Variants in DPYS observed in about 807,000 individuals in gnomAD.
DPYS encodes the protein dihydropyrimidinase, also known as dihydropyrimidine amidohydrolase.
In DPYS, 39 loss-of-function variants were observed where a neutral mutation model predicts 50.3. The ratio of observed to expected loss-of-function variants is 0.78; its 90% CI spans 0.60 to 1.01. DPYS has a LOEUF of 1.01. DPYS is among the 50% of genes least tolerant of loss of function. The pLI is 0.00. For missense variants in DPYS, 659 were observed against 680.9 expected (o/e 0.97, Z 0.36); for synonymous variants, 245 against 250.7 (o/e 0.98, Z 0.22).
rs767616649 is a variant in DPYS, at chr8:104,429,657, C to T, written c.838G>A (p.Asp280Asn). 1 of 1,614,200 alleles carries T rather than the reference C, an allele frequency of 6.2e-7. No individual in the cohort carries two copies. Among genetic ancestry groups the T allele is most frequent in the Non-Finnish European group, 8.5e-7 (1 of 1,180,032 alleles). Residue 280 changes from aspartate (D) to asparagine (N), a missense_variant, in exon 5 of 10, where the codon GAT becomes AAT. Physicochemically the swap from Asp to Asn is conservative, Grantham distance 23 (BLOSUM62 1). Coordinates refer to ENST00000351513, the MANE Select transcript of DPYS (RefSeq NM_001385.3). ...GEPIAASLGT[D>N]GTHYWNKEWH... ...TCTTTATTCCAGTAGTGAGTGCCAT[C>T]TGTGCCAAGACTGGCTGCTATGGGT...
intron 7 of DPYS, among the ~76,000 whole-genome samples, chr8:104,416,446 T>C (rs1418018036): frequency 6.6e-6 from 1 of 152,184 alleles, no homozygotes; most frequent in African/African-American, 2.4e-5. Flanking sequence ...TTACAAGACA[T>C]CACAGTGACA....
intron 4 of DPYS, 118 bp downstream of exon 4, chr8:104,444,130 G>A: frequency 2.7e-6 from 3 of 1,131,870 alleles, no homozygotes; most frequent in Non-Finnish European, 3.9e-6. Context: ...AAAAAGGGAG[G>A]AAGAAAAGTA....
At chr8:104,466,330 G>A (rs1814389093) in intron 1 of DPYS, among the ~76,000 whole-genome samples, 1 of 152,202 alleles carries the variant, frequency 6.6e-6, no homozygotes, top group Non-Finnish European at 1.5e-5. Context: ...ATGGGGTTGC[G>A]GGGAGATTTG....
chr8:104,415,967 CT>C (rs1812355082), intron 7 of DPYS, among the ~76,000 whole-genome samples: 1 of 152,222 alleles, frequency 6.6e-6, no homozygotes. Flanking sequence ...TACATGCCAA[CT>C]GCTACTGAAC....
intron 1 of DPYS, among the ~76,000 whole-genome samples, chr8:104,461,281 G>A (rs541893478): frequency 9.8e-6 from 1 of 102,448 alleles, no homozygotes; most frequent in Non-Finnish European, 2.1e-5. Flanking sequence ...GAGAGAGTGA[G>A]ACCCTGTCTC....
intron 7 of DPYS, chr8:104,418,750 A>G (rs1261970852): frequency 6.6e-6 from 1 of 152,376 alleles, no homozygotes; most frequent in African/African-American, 2.4e-5. Context: ...TGACTGCTCT[A>G]ACTCCACAAT....
At chr8:104,447,224 C>T in intron 3 of DPYS, 100 bp downstream of exon 3, 1 of 1,419,358 alleles carries the variant, frequency 7.0e-7, no homozygotes, top group South Asian at 1.2e-5. Context: ...TTCTCATCTT[C>T]CAATGCATTA....
chr8:104,399,579 C>T (rs1811717977), intron 7 of DPYS, among the ~76,000 whole-genome samples: 1 of 151,880 alleles, frequency 6.6e-6, no homozygotes, highest in African/African-American at 2.4e-5. Flanking sequence ...TAAGAAACTA[C>T]TTTCCTGCAG....
chr8:104,443,855 T>C (rs1361838622), intron 4 of DPYS, among the ~76,000 whole-genome samples: 2 of 152,102 alleles, frequency 1.3e-5, no homozygotes, highest in African/African-American at 4.8e-5. Context: ...ATCACACCAT[T>C]GCACTCCAGC....
At position 104,428,087 on chromosome 8, in the gene DPYS, T is replaced by A. The variant is rs1812798579; in HGVS notation, c.985A>T (p.Thr329Ser). The A allele has an allele frequency of 6.2e-7, 1 of 1,614,100 alleles. No individual in the cohort carries two copies. The highest frequency in any genetic ancestry group is 8.5e-7 in the Non-Finnish European group (1 of 1,180,026). ...DLTTTGTDNC[T>S]FNTCQKALGK... ...AGAGCTTTCTGGCAGGTGTTGAAAG[T>A]GCAGTTATCAGTCCCTGTTGTGGTT... Residue 329 changes from threonine to serine, a missense_variant, in exon 6 of 10, where the codon ACT becomes TCT. By Grantham distance (58) the Thr-to-Ser change is moderately conservative. Transcript: ENST00000351513.
intron 9 of DPYS, 157 bp downstream of exon 9, chr8:104,381,027 A>G (rs1276989303): frequency 9.2e-6 from 6 of 654,422 alleles, no homozygotes; most frequent in African/African-American, 1.8e-5. Context: ...GGCTTATCTA[A>G]ATGTTCTGCT....
At chr8:104,466,559 G>C (rs912232094) in intron 1 of DPYS, 98 bp downstream of exon 1, 3 of 1,321,818 alleles carry the variant, frequency 2.3e-6, no homozygotes, top group Non-Finnish European at 2.9e-6. Flanking sequence ...TCGGCGCCGC[G>C]CCGCGCGAGG....
At chr8:104,385,255 C>T (rs117572391) in intron 8 of DPYS, among the ~76,000 whole-genome samples, 1 of 152,240 alleles carries the variant, frequency 6.6e-6, no homozygotes, top group East Asian at 1.9e-4. Flanking sequence ...TGCCTATATC[C>T]TCAGCATCTA....
At chr8:104,408,261 T>C (rs1018747817) in intron 7 of DPYS, among the ~76,000 whole-genome samples, 2 of 152,260 alleles carry the variant, frequency 1.3e-5, no homozygotes, top group African/African-American at 4.8e-5. Flanking sequence ...CAAAACACTT[T>C]CATGTAACTG....
At chr8:104,394,899 C>A (rs1378623828) in intron 7 of DPYS, among the ~76,000 whole-genome samples, 1 of 150,240 alleles carries the variant, frequency 6.7e-6, no homozygotes, top group African/African-American at 2.5e-5. Flanking sequence ...GAGTATTTTC[C>A]ACATTTTATA....
chr8:104,398,465 A>G (rs1811662407), intron 7 of DPYS, among the ~76,000 whole-genome samples: 2 of 152,224 alleles, frequency 1.3e-5, no homozygotes, highest in Non-Finnish European at 2.9e-5. Flanking sequence ...AGAGTCTATG[A>G]GCCACCCAGT....
At chr8:104,425,604 T>A (rs1225510981) in intron 6 of DPYS, among the ~76,000 whole-genome samples, 1 of 151,990 alleles carries the variant, frequency 6.6e-6, no homozygotes, top group Non-Finnish European at 1.5e-5. Flanking sequence ...ATTACAGGCA[T>A]AAGCCACCAC....
intron 8 of DPYS, among the ~76,000 whole-genome samples, chr8:104,383,103 C>T (rs1811109535): frequency 1.3e-5 from 2 of 152,220 alleles, no homozygotes; most frequent in African/African-American, 2.4e-5. Flanking sequence ...GCTTGCTCTA[C>T]AGCCTGCTCT....
intron 1 of DPYS, among the ~76,000 whole-genome samples, chr8:104,455,733 G>A (rs1206081474): frequency 6.6e-6 from 1 of 152,090 alleles, no homozygotes; most frequent in African/African-American, 2.4e-5. Flanking sequence ...ACAATAACAT[G>A]CTTCGGAACA....
Sources: allele counts gnomAD v4.1 joint callset (sites outside exome capture counted in the v4.1 genomes callset), GRCh38; gene constraint gnomAD v4.1.1; transcripts MANE v1.5; gene names NCBI Gene and HGNC (gene_info 2026-07-23, HGNC 2026-07-21).